Variants in PCCA observed in about 807,000 individuals in gnomAD.
The protein encoded by PCCA is propionyl-CoA carboxylase subunit alpha, also known as propionyl-CoA carboxylase alpha chain, mitochondrial.
PCCA carries 74 observed loss-of-function variants against 101.3 expected under a neutral mutation model. The observed-to-expected ratio is 0.73, with a 90% CI of 0.61 to 0.89. The LOEUF is 0.89. Among genes scored for constraint, PCCA ranks in the 40% least tolerant of loss-of-function variants. The pLI, the probability that PCCA is intolerant of heterozygous loss-of-function variation, is 0.00. For synonymous variants in PCCA, 294 were observed against 313.6 expected (o/e 0.94, Z 0.66); for missense variants, 891 against 907.0 (o/e 0.98, Z 0.23).
chr13:100,349,178 C>T (rs1264346865), intron 18 of PCCA, among the ~76,000 whole-genome samples: 2 of 151,596 alleles, frequency 1.3e-5, no homozygotes, highest in East Asian at 1.9e-4. Context: ...GGCTGGAGTG[C>T]GATGGCGCAA....
intron 6 of PCCA, 148 bp from the exon 7 acceptor site, chr13:100,209,184 T>C (rs2059054214): frequency 3.0e-6 from 2 of 661,800 alleles, no homozygotes; most frequent in Non-Finnish European, 2.6e-6. Context: ...TGCAATATAG[T>C]ATTTTAATGT....
chr13:100,140,380 A>G (rs2051722766), intron 4 of PCCA, among the ~76,000 whole-genome samples: 1 of 152,204 alleles, frequency 6.6e-6, no homozygotes, highest in Non-Finnish European at 1.5e-5. Flanking sequence ...CCACAGCCAC[A>G]AAATTACTTG....
At chr13:100,180,855 G>C (rs2056732427) in intron 6 of PCCA, among the ~76,000 whole-genome samples, 1 of 152,324 alleles carries the variant, frequency 6.6e-6, no homozygotes, top group South Asian at 2.1e-4. Flanking sequence ...TCCACCACAG[G>C]TGATTTGTGG....
At chr13:100,240,321 G>C (rs2061042057) in intron 8 of PCCA, among the ~76,000 whole-genome samples, 1 of 150,490 alleles carries the variant, frequency 6.6e-6, no homozygotes, top group Non-Finnish European at 1.5e-5. Flanking sequence ...CCATACTTCA[G>C]TCACATTAGC....
At chr13:100,361,777 A>G (rs7325804) in intron 18 of PCCA, among the ~76,000 whole-genome samples, 108,952 of 152,058 alleles carry the variant, frequency 0.72, 39,458 homozygotes, top group Middle Eastern at 0.81. Context: ...GATGTAGAGT[A>G]ACTCATTGCA....
intron 19 of PCCA, among the ~76,000 whole-genome samples, chr13:100,392,969 A>G (rs762542077): frequency 6.6e-6 from 1 of 150,886 alleles, no homozygotes; most frequent in Non-Finnish European, 1.5e-5. Context: ...AAGTAAAGAG[A>G]GAAGCCAGAA....
intron 21 of PCCA, among the ~76,000 whole-genome samples, chr13:100,487,658 T>C (rs2084494475): frequency 6.6e-6 from 1 of 152,208 alleles, no homozygotes; most frequent in South Asian, 2.1e-4. Flanking sequence ...TCTTTGGGCA[T>C]GTACTAAGTA....
chr13:100,118,970 T>C (rs2049099913), intron 4 of PCCA, among the ~76,000 whole-genome samples: 1 of 152,140 alleles, frequency 6.6e-6, no homozygotes, highest in Non-Finnish European at 1.5e-5. Flanking sequence ...TAATGGTACA[T>C]TTTCTTTTTT....
chr13:100,208,410 T>C (rs2059001696), intron 6 of PCCA, among the ~76,000 whole-genome samples: 2 of 152,222 alleles, frequency 1.3e-5, no homozygotes, highest in Admixed American at 6.5e-5. Flanking sequence ...TTATTGTTTA[T>C]ACCAACTCTG....
intron 6 of PCCA, among the ~76,000 whole-genome samples, chr13:100,191,067 G>T (rs2057710070): frequency 6.6e-6 from 1 of 152,112 alleles, no homozygotes. Context: ...TCTAGCCTGG[G>T]CAACAGAGAG....
intron 19 of PCCA, among the ~76,000 whole-genome samples, chr13:100,381,728 A>C (rs1236323803): frequency 6.6e-6 from 1 of 152,116 alleles, no homozygotes; most frequent in Non-Finnish European, 1.5e-5. Context: ...TCCTTGTGGG[A>C]GGGAGCACAC....
At chr13:100,311,132 G>C (rs1384306246) in intron 16 of PCCA, among the ~76,000 whole-genome samples, 1 of 151,964 alleles carries the variant, frequency 6.6e-6, no homozygotes, top group Non-Finnish European at 1.5e-5. Flanking sequence ...TACTTGGGAG[G>C]CTGAGGCAGA....
chr13:100,243,952 C>G (rs1239545459), intron 8 of PCCA, among the ~76,000 whole-genome samples: 1 of 152,072 alleles, frequency 6.6e-6, no homozygotes, highest in Non-Finnish European at 1.5e-5. Context: ...AAATATGTGG[C>G]TAAGTCAGGA....
At chr13:100,215,937 C>T (rs897670748) in intron 7 of PCCA, among the ~76,000 whole-genome samples, 1 of 152,066 alleles carries the variant, frequency 6.6e-6, no homozygotes, top group Non-Finnish European at 1.5e-5. Context: ...CTGTGCGCAG[C>T]CCTGCCGTAT....
chr13:100,234,492 A>G (rs764659534), intron 7 of PCCA, among the ~76,000 whole-genome samples: 9 of 151,950 alleles, frequency 5.9e-5, no homozygotes, highest in Non-Finnish European at 1.0e-4. Flanking sequence ...AAAAAAAACA[A>G]CTTAAAACTG....
At chr13:100,380,040 CACACACACACACAG>C (rs1224622632) in intron 19 of PCCA, among the ~76,000 whole-genome samples, 1 of 151,990 alleles carries the variant, frequency 6.6e-6, no homozygotes, top group Non-Finnish European at 1.5e-5. Context: ...TAAACACACA[CACACACACACACAG>C]ACACACACGA....
At chr13:100,123,486 G>T (rs1323610040) in intron 4 of PCCA, among the ~76,000 whole-genome samples, 4 of 152,100 alleles carry the variant, frequency 2.6e-5, no homozygotes, top group Non-Finnish European at 5.9e-5. Context: ...TAGAAGCAAT[G>T]GAAATGATAA....
At chr13:100,369,580 C>T (rs2075433262) in intron 19 of PCCA, among the ~76,000 whole-genome samples, 1 of 152,148 alleles carries the variant, frequency 6.6e-6, no homozygotes, top group Non-Finnish European at 1.5e-5. Context: ...GTGTCAGACT[C>T]ACAGATCAAT....
intron 12 of PCCA, 53 bp from the exon 13 acceptor site, chr13:100,301,407 C>G: frequency 6.2e-7 from 1 of 1,601,868 alleles, no homozygotes; most frequent in Non-Finnish European, 8.6e-7. Context: ...TTGTTTGTTT[C>G]TATTTATTTA....
Sources: gnomAD v4.1 joint callset for allele counts (sites outside exome capture counted in the v4.1 genomes callset) on GRCh38, gnomAD v4.1.1 for gene constraint, MANE v1.5 for transcripts, NCBI Gene and HGNC (gene_info 2026-07-23, HGNC 2026-07-21) for gene names.